RPS6KC1: variants seen among roughly 807,000 people sequenced by gnomAD.
RPS6KC1 encodes the protein inactive ribosomal protein S6 kinase delta-1.
A neutral mutation model predicts 103.8 loss-of-function variants in RPS6KC1; 54 were observed. That is an observed-to-expected ratio of 0.52 (90% CI 0.42 to 0.65). The LOEUF (loss-of-function observed/expected upper bound fraction) is 0.65, where lower values mean the gene tolerates loss of function less well. RPS6KC1 is among the 30% of genes least tolerant of loss of function. RPS6KC1 has a pLI of 0.00. For synonymous variants in RPS6KC1, 439 were observed against 438.7 expected (o/e 1.00, Z -0.01); for missense variants, 1,151 against 1,253.8 (o/e 0.92, Z 1.24).
chr1:213,060,425 A>G (rs1374527644), intron 1 of RPS6KC1, among the ~76,000 whole-genome samples: 2 of 152,234 alleles, frequency 1.3e-5, no homozygotes, highest in Non-Finnish European at 2.9e-5. Flanking sequence ...AGTTTGTTGT[A>G]AAATATATTT....
At chr1:213,751,215 A>C in the RPS6KC1 span, among the ~76,000 whole-genome samples, 1 of 152,054 alleles carries the variant, frequency 6.6e-6, no homozygotes, top group Non-Finnish European at 1.5e-5. Flanking sequence ...CACTAGAGAG[A>C]TGATAAAATC....
chr1:213,439,542 T>C, the RPS6KC1 span, among the ~76,000 whole-genome samples: 3 of 151,932 alleles, frequency 2.0e-5, no homozygotes, highest in African/African-American at 7.2e-5. Flanking sequence ...CTGAGAGAGG[T>C]TGAAGTGCCA....
At chr1:213,442,096 G>A in the RPS6KC1 span, among the ~76,000 whole-genome samples, 2 of 152,192 alleles carry the variant, frequency 1.3e-5, no homozygotes, top group Non-Finnish European at 2.9e-5. Context: ...TGGGGAGGTA[G>A]GCATGTTCCT....
chr1:213,622,472 G>T, the RPS6KC1 span, among the ~76,000 whole-genome samples: 1 of 152,058 alleles, frequency 6.6e-6, no homozygotes, highest in South Asian at 2.1e-4. Flanking sequence ...AGTATCTACA[G>T]ACTAAATTCC....
intron 6 of RPS6KC1, among the ~76,000 whole-genome samples, chr1:213,151,939 A>C (rs1315790887): frequency 4.9e-5 from 5 of 101,734 alleles, no homozygotes; most frequent in African/African-American, 8.0e-5. Flanking sequence ...TGACCCCCCC[A>C]CCTCCCTCCC....
chr1:213,846,161 G>A, the RPS6KC1 span, among the ~76,000 whole-genome samples: 340 of 151,088 alleles, frequency 2.3e-3, 3 homozygotes, highest in African/African-American at 7.9e-3. Flanking sequence ...TTAGCCTGGC[G>A]TGGTGGCACT....
At chr1:213,357,737 G>A in the RPS6KC1 span, among the ~76,000 whole-genome samples, 1 of 152,212 alleles carries the variant, frequency 6.6e-6, no homozygotes, top group Non-Finnish European at 1.5e-5. Context: ...TCAGCATTCA[G>A]ATGGGCCAAA....
intron 14 of RPS6KC1, among the ~76,000 whole-genome samples, chr1:213,267,254 A>G (rs2094933557): frequency 6.6e-6 from 1 of 151,958 alleles, no homozygotes. Context: ...CCCATAGGCT[A>G]TACAGACACA....
At chr1:213,623,047 G>T in the RPS6KC1 span, among the ~76,000 whole-genome samples, 1 of 152,130 alleles carries the variant, frequency 6.6e-6, no homozygotes, top group Non-Finnish European at 1.5e-5. Flanking sequence ...CTTCAGATAT[G>T]CCTCGATCGA....
chr1:213,589,773 C>T, the RPS6KC1 span, among the ~76,000 whole-genome samples: 2 of 152,068 alleles, frequency 1.3e-5, no homozygotes, highest in Admixed American at 6.6e-5. Flanking sequence ...TCCTGTTGGT[C>T]ATACAGGATC....
the RPS6KC1 span, among the ~76,000 whole-genome samples, chr1:213,837,982 T>C: frequency 6.6e-6 from 1 of 152,192 alleles, no homozygotes; most frequent in Non-Finnish European, 1.5e-5. Flanking sequence ...GTAATTTATC[T>C]TTCACGTTTT....
chr1:213,652,827 C>T, the RPS6KC1 span, among the ~76,000 whole-genome samples: 1 of 152,104 alleles, frequency 6.6e-6, no homozygotes, highest in Non-Finnish European at 1.5e-5. Flanking sequence ...CATGACTGGG[C>T]CAGGCAAAAT....
At position 213,240,644 on chromosome 1, in the gene RPS6KC1, A is replaced by G. The variant is rs564741080; in HGVS notation, c.1226-58A>G. ...AGTTTTTGTTTTTCTAATGGCTTAAATAACTGTCAATTTGGAGATCTTAAT... is the reference window on the plus strand; with the variant it reads ...AGTTTTTGTTTTTCTAATGGCTTAAGTAACTGTCAATTTGGAGATCTTAAT... On this transcript the variant is annotated intron_variant, in intron 10 of 14. Transcript: ENST00000366960. 4.3e-4 allele frequency: 608 copies of G among 1,424,486 alleles called. 1 individual carries two copies. The highest frequency in any genetic ancestry group is 5.1e-4 in the Non-Finnish European group (534 of 1,048,038). The allele number at this position is 1,424,486 out of a possible 1,614,324, so 88.2% of individuals were successfully genotyped here.
the RPS6KC1 span, among the ~76,000 whole-genome samples, chr1:213,395,177 G>A: frequency 6.6e-6 from 1 of 152,210 alleles, no homozygotes; most frequent in South Asian, 2.1e-4. Flanking sequence ...CAGCTTTAGA[G>A]CCCCACAGAT....
chr1:213,293,761 ATCT>A, the RPS6KC1 span, among the ~76,000 whole-genome samples: 3 of 151,266 alleles, frequency 2.0e-5, no homozygotes, highest in Non-Finnish European at 2.9e-5. Context: ...ATTTTAAAGT[ATCT>A]TCTTGGAAAA....
At chr1:213,560,513 G>A in the RPS6KC1 span, among the ~76,000 whole-genome samples, 6 of 152,268 alleles carry the variant, frequency 3.9e-5, no homozygotes, top group African/African-American at 9.6e-5. Flanking sequence ...ATACAATCAC[G>A]AGGAATTAAA....
rs982381266 is a variant in RPS6KC1, at chr1:213,097,709, G to A, written c.263-6745G>A. Among the ~76,000 whole-genome samples the A allele has an allele frequency of 2.2e-4, 34 of 152,184 alleles. 1 individual carries two copies. The highest frequency in any genetic ancestry group is 6.5e-5 in the Admixed American group (1 of 15,282). On this transcript the variant is annotated intron_variant, in intron 3 of 14. Coordinates refer to ENST00000366960, the MANE Select transcript of RPS6KC1 (RefSeq NM_012424.6). ...ATCTCCATTAAAAATCTGTTCTTTA[G>A]TGTAGCCATCTTTATCAATGATTTT...
chr1:213,519,162 CTGT>C, the RPS6KC1 span, among the ~76,000 whole-genome samples: 1 of 152,160 alleles, frequency 6.6e-6, no homozygotes, highest in Non-Finnish European at 1.5e-5. Flanking sequence ...AATCCTTTGA[CTGT>C]TGTTCTGCAG....
chr1:213,466,973 T>C, the RPS6KC1 span, among the ~76,000 whole-genome samples: 1 of 152,248 alleles, frequency 6.6e-6, no homozygotes, highest in Admixed American at 6.5e-5. Flanking sequence ...TAAGGAGGCC[T>C]ATGAGCCTTA....
Sources: allele counts gnomAD v4.1 joint callset (sites outside exome capture counted in the v4.1 genomes callset), GRCh38; gene constraint gnomAD v4.1.1; transcripts MANE v1.5; gene names NCBI Gene and HGNC (gene_info 2026-07-23, HGNC 2026-07-21).